The following CPXM2 variants were observed in gnomAD, a reference collection of about 807,000 sequenced individuals.
The protein encoded by CPXM2 is carboxypeptidase X, M14 family member 2, also known as inactive carboxypeptidase-like protein X2.
Under a neutral mutation model 86.1 loss-of-function variants are expected in CPXM2, and 66 were observed. The observed-to-expected ratio is 0.77, with a 90% CI of 0.63 to 0.94. CPXM2 has a LOEUF of 0.94. Among genes scored for constraint, CPXM2 ranks in the 40% least tolerant of loss-of-function variants. CPXM2 has a pLI of 0.00. For synonymous variants in CPXM2, 388 were observed against 400.2 expected (o/e 0.97, Z 0.36); for missense variants, 948 against 1,026.3 (o/e 0.92, Z 1.04).
chr10:123,862,677 C>T lies in CPXM2; in HGVS notation c.450G>A (p.Gln150=). ...AGCGCTTCACCGTGGAGGCATGGAG[C>T]TGGAAGTCTGTGATTTTTAAGGTTT... ...GLETLKITDF[Q]LHASTVKRYG... is the part of the protein sequence containing the mutation. Residue 150 remains glutamine, a synonymous_variant, in exon 3 of 14, where the codon CAG becomes CAA. Coordinates refer to ENST00000241305, the MANE Select transcript of CPXM2 (RefSeq NM_198148.3). 6.2e-7 allele frequency: 1 copy of T among 1,614,138 alleles called. No homozygotes were observed.
At chr10:123,856,329 A>C (rs1848723207) in intron 3 of CPXM2, among the ~76,000 whole-genome samples, 1 of 152,212 alleles carries the variant, frequency 6.6e-6, no homozygotes, top group Non-Finnish European at 1.5e-5. Context: ...TTACTACTGC[A>C]ATCTGTTTGA....
At chr10:123,820,591 T>C (rs1847904748) in intron 4 of CPXM2, among the ~76,000 whole-genome samples, 1 of 152,212 alleles carries the variant, frequency 6.6e-6, no homozygotes, top group South Asian at 2.1e-4. Context: ...ATACCTTCTG[T>C]ATCAGTGCTG....
At chr10:123,909,897 A>G (rs777114186) in intron 2 of CPXM2, among the ~76,000 whole-genome samples, 8 of 152,150 alleles carry the variant, frequency 5.3e-5, no homozygotes, top group Non-Finnish European at 4.4e-5. Flanking sequence ...ATCTCATGCC[A>G]ACATTTAGTC....
At chr10:123,930,193 C>T (rs1270791322) in intron 2 of CPXM2, among the ~76,000 whole-genome samples, 1 of 87,586 alleles carries the variant, frequency 1.1e-5, no homozygotes, top group Non-Finnish European at 2.0e-5. Context: ...AAAATTCATG[C>T]CTGAGTACAC....
intron 2 of CPXM2, among the ~76,000 whole-genome samples, chr10:123,936,622 C>T (rs1228127974): frequency 4.6e-5 from 7 of 152,284 alleles, no homozygotes; most frequent in East Asian, 1.9e-4. Context: ...AGGTCTTGAC[C>T]GAATGTCTTT....
intron 4 of CPXM2, among the ~76,000 whole-genome samples, chr10:123,819,557 C>A (rs188649998): frequency 6.6e-6 from 1 of 152,124 alleles, no homozygotes; most frequent in East Asian, 1.9e-4. Flanking sequence ...AAGAAAATAC[C>A]TTCATTTTAT....
chr10:123,858,436 G>A (rs139976690), intron 3 of CPXM2, among the ~76,000 whole-genome samples: 10 of 152,330 alleles, frequency 6.6e-5, no homozygotes, highest in East Asian at 1.9e-4. Flanking sequence ...AGATGTACAC[G>A]GTTTGATCAC....
intron 2 of CPXM2, among the ~76,000 whole-genome samples, chr10:123,917,915 A>G (rs775895763): frequency 7.7e-4 from 117 of 152,218 alleles, no homozygotes; most frequent in Non-Finnish European, 1.5e-3. Flanking sequence ...GTGGTACAGG[A>G]GACAGATCTC....
At chr10:123,796,068 C>T (rs1200282059) in intron 6 of CPXM2, among the ~76,000 whole-genome samples, 1 of 152,182 alleles carries the variant, frequency 6.6e-6, no homozygotes, top group Non-Finnish European at 1.5e-5. Context: ...ATACCTGTGC[C>T]CACAGTCGCC....
At chr10:123,800,050 T>C (rs1473767260) in intron 4 of CPXM2, among the ~76,000 whole-genome samples, 5 of 143,012 alleles carry the variant, frequency 3.5e-5, no homozygotes. Context: ...TTTTTTTTTT[T>C]AGAAAATTCT....
At chr10:123,854,405 ATT>A (rs1491226497) in intron 3 of CPXM2, among the ~76,000 whole-genome samples, 30 of 122,070 alleles carry the variant, frequency 2.5e-4, no homozygotes, top group African/African-American at 8.3e-4. Context: ...TTATATATAT[ATT>A]ATATATAAAA....
intron 1 of CPXM2, among the ~76,000 whole-genome samples, chr10:123,939,907 C>G (rs1945758505): frequency 6.6e-6 from 1 of 152,226 alleles, no homozygotes. Flanking sequence ...GACCACATTG[C>G]TGAAGAGCTA....
chr10:123,837,365 C>T (rs781597722), intron 4 of CPXM2, among the ~76,000 whole-genome samples: 37 of 152,168 alleles, frequency 2.4e-4, no homozygotes, highest in Admixed American at 9.8e-4. Flanking sequence ...TTCATCAAAT[C>T]GCTGCCCCAC....
intron 2 of CPXM2, among the ~76,000 whole-genome samples, chr10:123,920,245 T>C (rs1398303519): frequency 6.6e-6 from 1 of 152,236 alleles, no homozygotes; most frequent in South Asian, 2.1e-4. Context: ...AAATTATTTT[T>C]AAAGTTCTCA....
At chr10:123,772,759 A>C (rs1006449584) in intron 7 of CPXM2, among the ~76,000 whole-genome samples, 2 of 139,362 alleles carry the variant, frequency 1.4e-5, no homozygotes, top group Non-Finnish European at 3.1e-5. Flanking sequence ...CACCTCCCTC[A>C]TTGTGGTTAT....
At chr10:123,925,978 A>T (rs28479333) in intron 2 of CPXM2, among the ~76,000 whole-genome samples, 4 of 152,184 alleles carry the variant, frequency 2.6e-5, no homozygotes, top group Admixed American at 6.5e-5. Flanking sequence ...AACATATGTA[A>T]GCATATCATG....
intron 6 of CPXM2, among the ~76,000 whole-genome samples, chr10:123,780,521 T>C (rs1846909186): frequency 6.6e-6 from 1 of 152,206 alleles, no homozygotes; most frequent in Admixed American, 6.5e-5. Context: ...GCAAGTCACT[T>C]GCACAGTGTT....
At chr10:123,834,391 C>T (rs937522009) in intron 4 of CPXM2, among the ~76,000 whole-genome samples, 7 of 152,200 alleles carry the variant, frequency 4.6e-5, no homozygotes, top group African/African-American at 1.2e-4. Flanking sequence ...CCAGGAGCAA[C>T]GTCAGGGTAA....
intron 3 of CPXM2, among the ~76,000 whole-genome samples, chr10:123,856,029 C>G (rs544594693): frequency 1.8e-4 from 28 of 152,340 alleles, no homozygotes; most frequent in African/African-American, 6.3e-4. Flanking sequence ...ACCAGGCTAT[C>G]ACAAGGACAC....
Sources: gnomAD v4.1 joint callset for allele counts (sites outside exome capture counted in the v4.1 genomes callset) on GRCh38, gnomAD v4.1.1 for gene constraint, MANE v1.5 for transcripts, NCBI Gene and HGNC (gene_info 2026-07-23, HGNC 2026-07-21) for gene names.